The following SOX6 variants were observed in gnomAD, a reference collection of about 807,000 sequenced individuals.
SOX6 encodes SRY-box transcription factor 6.
A neutral mutation model predicts 97.8 loss-of-function variants in SOX6; 11 were observed. The ratio of observed to expected loss-of-function variants is 0.11; its 90% CI spans 0.07 to 0.19. The LOEUF is 0.19. Among genes scored for constraint, SOX6 ranks in the 10% least tolerant of loss-of-function variants. The probability of loss-of-function intolerance (pLI) is 1.00; values close to 1 mark genes in which losing one functional copy is unlikely to be tolerated. For synonymous variants in SOX6, 360 were observed against 371.4 expected, an observed-to-expected ratio of 0.97 and a Z score of 0.35; for missense variants, 810 against 1,039.5, an observed-to-expected ratio of 0.78 and a Z score of 3.04.
chr11:16,407,316 T>G (rs182840461), intron 1 of SOX6, among the ~76,000 whole-genome samples: 2 of 152,270 alleles, frequency 1.3e-5, no homozygotes, highest in Non-Finnish European at 2.9e-5. Context: ...CTATGCTTCC[T>G]CCAAGAGCTT....
intron 1 of SOX6, among the ~76,000 whole-genome samples, chr11:16,355,314 C>T (rs1857044649): frequency 6.6e-6 from 1 of 151,940 alleles, no homozygotes; most frequent in African/African-American, 2.4e-5. Context: ...AAAACAAATT[C>T]AAGGTGTGTG....
At chr11:16,678,767 C>T (rs185172207) in intron 3 of SOX6, among the ~76,000 whole-genome samples, 8 of 152,184 alleles carry the variant, frequency 5.3e-5, no homozygotes, top group Non-Finnish European at 7.3e-5. Flanking sequence ...GCTTTTCCCA[C>T]GATCTTAGCA....
At chr11:16,140,870 G>T (rs1441205729) in intron 6 of SOX6, among the ~76,000 whole-genome samples, 2 of 152,164 alleles carry the variant, frequency 1.3e-5, no homozygotes, top group East Asian at 3.9e-4. Context: ...ATTTAAGGAT[G>T]ATCAGAATAG....
intron 4 of SOX6, among the ~76,000 whole-genome samples, chr11:16,513,557 C>G (rs755889182): frequency 6.6e-6 from 1 of 152,148 alleles, no homozygotes; most frequent in Admixed American, 6.5e-5. Flanking sequence ...TGCTTGAACC[C>G]GGGAGGCGGA....
intron 1 of SOX6, among the ~76,000 whole-genome samples, chr11:16,432,962 G>T (rs936604827): frequency 2.6e-5 from 4 of 151,990 alleles, no homozygotes; most frequent in Non-Finnish European, 5.9e-5. Context: ...GGGGCTTGCT[G>T]TACAGCCAGT....
chr11:16,056,866 G>A (rs1847828083), intron 9 of SOX6, among the ~76,000 whole-genome samples: 3 of 151,982 alleles, frequency 2.0e-5, no homozygotes, highest in Admixed American at 1.3e-4. Context: ...AAGACAGGTG[G>A]GCTAACCTCT....
chr11:16,127,579 C>T (rs890844766), intron 6 of SOX6, among the ~76,000 whole-genome samples: 7 of 152,048 alleles, frequency 4.6e-5, no homozygotes, highest in African/African-American at 1.7e-4. Flanking sequence ...GTATTTGAAA[C>T]ATGGTCAAAA....
At chr11:16,130,162 T>A (rs1849705532) in intron 6 of SOX6, among the ~76,000 whole-genome samples, 1 of 151,496 alleles carries the variant, frequency 6.6e-6, no homozygotes, top group African/African-American at 2.4e-5. Flanking sequence ...TAATAAACAA[T>A]TAGAAAAAAA....
At chr11:15,998,063 G>A (rs920630859) in intron 13 of SOX6, among the ~76,000 whole-genome samples, 2 of 151,062 alleles carry the variant, frequency 1.3e-5, no homozygotes. Flanking sequence ...CTGGGCAATA[G>A]AGCAAGACTC....
intron 6 of SOX6, among the ~76,000 whole-genome samples, chr11:16,147,708 C>T (rs1004511199): frequency 2.0e-5 from 3 of 152,122 alleles, no homozygotes; most frequent in African/African-American, 7.2e-5. Context: ...GTACTTCTCA[C>T]ATTTCTTATC....
intron 9 of SOX6, among the ~76,000 whole-genome samples, chr11:16,061,079 C>A (rs1365607106): frequency 2.0e-5 from 3 of 151,494 alleles, no homozygotes; most frequent in African/African-American, 4.8e-5. Flanking sequence ...ATGTGACAAA[C>A]AATTTTATGA....
chr11:16,499,644 C>G (rs1460048220), intron 4 of SOX6, among the ~76,000 whole-genome samples: 1 of 152,190 alleles, frequency 6.6e-6, no homozygotes, highest in Non-Finnish European at 1.5e-5. Context: ...ACCGATCCCA[C>G]AGAAATACAA....
chr11:16,396,542 G>A (rs1858362812), intron 1 of SOX6, among the ~76,000 whole-genome samples: 1 of 151,574 alleles, frequency 6.6e-6, no homozygotes, highest in Non-Finnish European at 1.5e-5. Context: ...CACTCAAGAT[G>A]TAAACTGAAA....
At chr11:16,044,484 C>T (rs2133904543) in intron 12 of SOX6, among the ~76,000 whole-genome samples, 1 of 152,190 alleles carries the variant, frequency 6.6e-6, no homozygotes, top group South Asian at 2.1e-4. Flanking sequence ...CTCTTTGGCT[C>T]AGAAGAAAAT....
At chr11:16,250,437 A>C (rs1359445620) in intron 3 of SOX6, among the ~76,000 whole-genome samples, 1 of 152,130 alleles carries the variant, frequency 6.6e-6, no homozygotes, top group East Asian at 1.9e-4. Flanking sequence ...AGATAGTAAA[A>C]AGCGAATGAA....
intron 3 of SOX6, among the ~76,000 whole-genome samples, chr11:16,270,444 T>C (rs1854217913): frequency 6.6e-6 from 1 of 151,330 alleles, no homozygotes; most frequent in Non-Finnish European, 1.5e-5. Flanking sequence ...AGTTTTGCAA[T>C]TCCTCAAAAA....
intron 4 of SOX6, among the ~76,000 whole-genome samples, chr11:16,513,626 C>A (rs1590228972): frequency 6.6e-6 from 1 of 152,194 alleles, no homozygotes; most frequent in African/African-American, 2.4e-5. Context: ...GAGCAAGACT[C>A]CATCTCAATA....
intron 6 of SOX6, among the ~76,000 whole-genome samples, chr11:16,168,409 C>A (rs1850941952): frequency 6.6e-6 from 1 of 152,078 alleles, no homozygotes; most frequent in Admixed American, 6.6e-5. Context: ...TAATTCATGT[C>A]ATAAATAAGG....
chr11:16,706,810 A>AT (rs199685438), intron 3 of SOX6, among the ~76,000 whole-genome samples: 125 of 149,946 alleles, frequency 8.3e-4, no homozygotes, highest in East Asian at 1.6e-3. Context: ...TTAGAAAACC[A>AT]TTTTTTTTTC....
Sources: allele counts gnomAD v4.1 joint callset (sites outside exome capture counted in the v4.1 genomes callset), GRCh38; gene constraint gnomAD v4.1.1; transcripts MANE v1.5; gene names NCBI Gene and HGNC (gene_info 2026-07-23, HGNC 2026-07-21).